PHF21B: variants seen among roughly 807,000 people sequenced by gnomAD.
PHF21B encodes the protein PHD finger protein 4.
In PHF21B, 22 loss-of-function variants were observed where a neutral mutation model predicts 62.2. That is an observed-to-expected ratio of 0.35 (90% CI 0.25 to 0.51). PHF21B has a LOEUF of 0.51. PHF21B is among the 20% of genes least tolerant of loss of function. PHF21B has a pLI of 0.97. For missense variants in PHF21B, 701 were observed against 707.9 expected (o/e 0.99, Z 0.11); for synonymous variants, 341 against 314.7 (o/e 1.08, Z -0.88).
At chr22:44,994,067 G>A (rs930385991) in intron 2 of PHF21B, among the ~76,000 whole-genome samples, 1 of 152,238 alleles carries the variant, frequency 6.6e-6, no homozygotes, top group Non-Finnish European at 1.5e-5. Context: ...AGGACAGGGA[G>A]CAGACCCACA....
intron 2 of PHF21B, among the ~76,000 whole-genome samples, chr22:44,976,997 C>T (rs2147464883): frequency 6.6e-6 from 1 of 152,054 alleles, no homozygotes; most frequent in East Asian, 1.9e-4. Context: ...AAAGGTGGCA[C>T]ACTCCTGTAG....
intron 2 of PHF21B, among the ~76,000 whole-genome samples, chr22:44,993,466 ATGGGGAGGC>A (rs1399537405): frequency 2.0e-5 from 3 of 152,206 alleles, no homozygotes; most frequent in African/African-American, 7.2e-5. Flanking sequence ...AGCCTAGAGG[ATGGGGAGGC>A]TGAACCAGAC....
intron 2 of PHF21B, among the ~76,000 whole-genome samples, chr22:44,920,821 T>A (rs2071522070): frequency 6.6e-6 from 1 of 152,234 alleles, no homozygotes; most frequent in Non-Finnish European, 1.5e-5. Context: ...AGGTGTGATG[T>A]CGCTACGATC....
intron 2 of PHF21B, among the ~76,000 whole-genome samples, chr22:44,925,468 C>T (rs537207861): frequency 1.3e-5 from 2 of 152,332 alleles, no homozygotes; most frequent in African/African-American, 2.4e-5. Context: ...CTCTTTGCCA[C>T]CTGTCCCATG....
At chr22:44,931,342 C>T (rs1054311107) in intron 2 of PHF21B, among the ~76,000 whole-genome samples, 5 of 151,862 alleles carry the variant, frequency 3.3e-5, no homozygotes, top group Admixed American at 6.6e-5. Context: ...GGCTGCCAGG[C>T]GCAGGCGGCT....
At chr22:44,982,583 G>A (rs570114644) in intron 2 of PHF21B, among the ~76,000 whole-genome samples, 65 of 152,276 alleles carry the variant, frequency 4.3e-4, no homozygotes, top group African/African-American at 1.5e-3. Flanking sequence ...CTCACATCTC[G>A]CAGCCACTGC....
chr22:44,988,036 T>C (rs955361422), intron 2 of PHF21B, among the ~76,000 whole-genome samples: 1 of 152,156 alleles, frequency 6.6e-6, no homozygotes, highest in Non-Finnish European at 1.5e-5. Flanking sequence ...TAACAGGGAA[T>C]CCCTGGAGGA....
At chr22:44,961,303 G>C (rs146793864) in intron 2 of PHF21B, among the ~76,000 whole-genome samples, 62 of 152,108 alleles carry the variant, frequency 4.1e-4, no homozygotes, top group Middle Eastern at 3.4e-3. Context: ...GGGGGTACAG[G>C]TGCAGGTTAC....
intron 2 of PHF21B, among the ~76,000 whole-genome samples, chr22:44,946,967 A>G (rs2072086271): frequency 6.6e-6 from 1 of 152,196 alleles, no homozygotes; most frequent in African/African-American, 2.4e-5. Flanking sequence ...GGCCAAGCAG[A>G]TGCTCCGTTT....
intron 5 of PHF21B, among the ~76,000 whole-genome samples, chr22:44,906,964 G>A (rs1335044049): frequency 6.6e-6 from 1 of 152,164 alleles, no homozygotes; most frequent in Non-Finnish European, 1.5e-5. Context: ...GATGGCCACC[G>A]CCCTGCAGTG....
intron 2 of PHF21B, chr22:44,971,021 T>A (rs2072626974): frequency 6.6e-6 from 1 of 152,284 alleles, no homozygotes; most frequent in Non-Finnish European, 1.5e-5. Context: ...CAAGGTGTGG[T>A]GGCCATTCCA....
intron 2 of PHF21B, among the ~76,000 whole-genome samples, chr22:44,962,459 A>T (rs137885968): frequency 1.2e-3 from 176 of 152,390 alleles, no homozygotes; most frequent in African/African-American, 4.1e-3. Flanking sequence ...TGGGAGCTGC[A>T]GCTCACAGCT....
At chr22:44,896,902 A>T (rs1403149575) in intron 5 of PHF21B, among the ~76,000 whole-genome samples, 1 of 10,650 alleles carries the variant, frequency 9.4e-5, no homozygotes, top group Admixed American at 1.1e-3. Flanking sequence ...TTTTTGAGAC[A>T]GGTTCTCACT....
At chr22:44,918,126 ATCT>A (rs2147307650) in intron 3 of PHF21B, among the ~76,000 whole-genome samples, 2 of 152,340 alleles carry the variant, frequency 1.3e-5, no homozygotes, top group African/African-American at 4.8e-5. Context: ...TAAAAAATCC[ATCT>A]TCTCGTTCCT....
intron 2 of PHF21B, among the ~76,000 whole-genome samples, chr22:44,982,454 C>T (rs984639755): frequency 7.2e-5 from 11 of 152,120 alleles, no homozygotes; most frequent in Admixed American, 2.6e-4. Context: ...GAAAGTCATC[C>T]GATTACCCTA....
At chr22:44,993,902 G>A (rs1050324204) in intron 2 of PHF21B, among the ~76,000 whole-genome samples, 20 of 152,218 alleles carry the variant, frequency 1.3e-4, no homozygotes, top group African/African-American at 1.9e-4. Context: ...CCACAAACTA[G>A]AGGAAATGAT....
Position 45,008,605 on chromosome 22 carries a change from G to C in PHF21B, c.60C>G (p.Gly20=). The C allele has an allele frequency of 6.3e-7, 1 of 1,586,914 alleles. No homozygotes were observed. The highest frequency in any genetic ancestry group is 8.6e-7 in the Non-Finnish European group (1 of 1,167,330). Residue 20 remains glycine (G), a synonymous_variant, in exon 2 of 13, where the codon GGC becomes GGG. Coordinates refer to ENST00000313237, the MANE Select transcript of PHF21B (RefSeq NM_138415.5). ...TTTCGTGGAGCTGCTTCTTGAGGTC[G>C]CCGTTCTGCGGAAACACGGAGGAGC... is the stretch of plus-strand genomic sequence containing the variant. ...LAVELARHQN[G]DLKKQLHERQ...
intron 3 of PHF21B, among the ~76,000 whole-genome samples, chr22:44,917,981 CCA>C (rs2071468969): frequency 6.6e-6 from 1 of 152,252 alleles, no homozygotes; most frequent in South Asian, 2.1e-4. Context: ...AGGGCCCTGG[CCA>C]CACCACGGGC....
At position 44,896,880 on chromosome 22, in the gene PHF21B, G is replaced by GTTTTTTTTTTTTTT. The variant is rs56878868; in HGVS notation, c.832-811_832-798dup. ...AACAGGGTGGCACTTAGTTTTATCTGTTTTTTTTTTTTTTTTGAGACAGGT... is the reference window on the plus strand; with the variant it reads ...AACAGGGTGGCACTTAGTTTTATCTGTTTTTTTTTTTTTTTTTTTTTTTTTTTTTTGAGACAGGT... On this transcript the variant is annotated intron_variant, in intron 5 of 12. Coordinates refer to ENST00000313237, the MANE Select transcript of PHF21B (RefSeq NM_138415.5). 2.4e-3 allele frequency among the ~76,000 whole-genome samples: 199 copies of GTTTTTTTTTTTTTT among 83,986 alleles called. 21 individuals are homozygous for GTTTTTTTTTTTTTT. Among genetic ancestry groups the GTTTTTTTTTTTTTT allele is most frequent in the African/African-American group, 5.3e-3 (129 of 24,218 alleles). 55.1% of individuals were successfully genotyped at this position (83,986 alleles called of 152,430 possible). A position where few individuals can be genotyped will look rare whatever the true frequency, so the allele number is the denominator to read the frequency against.
Sources: gnomAD v4.1 joint callset for allele counts (sites outside exome capture counted in the v4.1 genomes callset) on GRCh38, gnomAD v4.1.1 for gene constraint, MANE v1.5 for transcripts, NCBI Gene and HGNC (gene_info 2026-07-23, HGNC 2026-07-21) for gene names.